Variants in CNTN6 observed in about 807,000 individuals in gnomAD.
CNTN6 encodes the protein contactin-6.
In CNTN6, 137 loss-of-function variants were observed where a neutral mutation model predicts 122.8. That is an observed-to-expected ratio of 1.12 (90% CI 0.97 to 1.29). The LOEUF is 1.29. Ranked by LOEUF, CNTN6 falls within the 50% of genes most tolerant of loss-of-function variation. CNTN6 has a pLI of 0.00. For synonymous variants in CNTN6, 570 were observed against 426.0 expected, an observed-to-expected ratio of 1.34 and a Z score of -4.16; for missense variants, 1,634 against 1,223.4, an observed-to-expected ratio of 1.34 and a Z score of -5.01.
chr3:1,210,267 T>C (rs1435838683), intron 2 of CNTN6, among the ~76,000 whole-genome samples: 2 of 152,020 alleles, frequency 1.3e-5, no homozygotes, highest in Non-Finnish European at 1.5e-5. Context: ...GTAAATTAGG[T>C]AAACATTTCT....
At chr3:1,300,537 G>GAAAGAA (rs1420522387) in intron 7 of CNTN6, among the ~76,000 whole-genome samples, 1 of 133,468 alleles carries the variant, frequency 7.5e-6, no homozygotes, top group Non-Finnish European at 1.6e-5. Flanking sequence ...TAAAGAAAGA[G>GAAAGAA]AGAGAAAGAA....
rs3836248 is a variant in CNTN6, at chr3:1,172,620, C to CTGTGTGTG, written c.55+24589_55+24596dup. On this transcript the variant is annotated intron_variant, in intron 2 of 22. Transcript: ENST00000446702. ...AGTGAAGACAGTCTGCAATAACTCT[C>CTGTGTGTG]TGTGTGTGTGTGTGTGTGTGTGTGT... 4.6e-3 allele frequency among the ~76,000 whole-genome samples: 693 copies of CTGTGTGTG among 150,266 alleles called. 4 individuals carry two copies. Among genetic ancestry groups the CTGTGTGTG allele is most frequent in the African/African-American group, 0.016 (648 of 41,010 alleles).
chr3:1,339,004 T>C (rs1703499468), intron 11 of CNTN6, among the ~76,000 whole-genome samples: 1 of 151,942 alleles, frequency 6.6e-6, no homozygotes, highest in African/African-American at 2.4e-5. Flanking sequence ...GCTGGAGTAA[T>C]AGTATAGAAA....
chr3:1,322,263 C>T (rs375101545), intron 8 of CNTN6, among the ~76,000 whole-genome samples: 6 of 151,614 alleles, frequency 4.0e-5, no homozygotes, highest in African/African-American at 1.2e-4. Context: ...TCCTAGTTTT[C>T]ATATTTTGTC....
intron 4 of CNTN6, among the ~76,000 whole-genome samples, chr3:1,273,114 C>G (rs1056436600): frequency 6.6e-6 from 1 of 152,180 alleles, no homozygotes; most frequent in Non-Finnish European, 1.5e-5. Flanking sequence ...GCAATCAAAC[C>G]ACAGGACATG....
intron 12 of CNTN6, among the ~76,000 whole-genome samples, chr3:1,367,067 G>A (rs535326365): frequency 2.0e-5 from 3 of 151,882 alleles, no homozygotes; most frequent in Non-Finnish European, 4.4e-5. Context: ...TGTATTTGTG[G>A]GATATAATGT....
intron 2 of CNTN6, among the ~76,000 whole-genome samples, chr3:1,168,074 G>A (rs112731920): frequency 0.017 from 2,653 of 151,888 alleles, 70 homozygotes; most frequent in African/African-American, 0.059. Context: ...CGCCTGGGTA[G>A]TTTTTGTATT....
chr3:1,114,857 G>A (rs1420176460), intron 1 of CNTN6, among the ~76,000 whole-genome samples: 13 of 152,126 alleles, frequency 8.5e-5, no homozygotes. Context: ...TGCTTTCAAA[G>A]GAGGACAACT....
chr3:1,268,401 A>T (rs1017218236), intron 4 of CNTN6, among the ~76,000 whole-genome samples: 1 of 152,112 alleles, frequency 6.6e-6, no homozygotes, highest in African/African-American at 2.4e-5. Context: ...AGGTCAGGAG[A>T]TCGAGACCAT....
At chr3:1,293,012 T>C (rs969930308) in intron 5 of CNTN6, among the ~76,000 whole-genome samples, 8 of 152,148 alleles carry the variant, frequency 5.3e-5, no homozygotes, top group African/African-American at 1.9e-4. Context: ...AATGACACTT[T>C]TTGCATTTTC....
chr3:1,166,065 G>A (rs1434341569), intron 2 of CNTN6, among the ~76,000 whole-genome samples: 1 of 152,122 alleles, frequency 6.6e-6, no homozygotes, highest in African/African-American at 2.4e-5. Flanking sequence ...CTTATGAGTC[G>A]GTAACATTCA....
intron 4 of CNTN6, among the ~76,000 whole-genome samples, chr3:1,260,034 A>G (rs780168615): frequency 8.5e-5 from 13 of 152,250 alleles, no homozygotes; most frequent in Non-Finnish European, 1.8e-4. Flanking sequence ...CATGTAGGCC[A>G]TGCCTCTGTC....
rs1305010758 is a variant in CNTN6, at chr3:1,304,231, CCT to C, written c.761+6243_761+6244del. ...CCAAAACCTTACTTCATTTATTTCC[CCT>C]CTTTCAGGATCATACTTTTGTGTTG... On this transcript the variant is annotated intron_variant, in intron 7 of 22. Transcript: ENST00000446702. Among the ~76,000 whole-genome samples, 5 of 152,172 alleles carry C rather than the reference CCT, an allele frequency of 3.3e-5. No homozygotes were observed. In the East Asian group the frequency reaches 7.7e-4, roughly 23 times the overall value.
chr3:1,102,969 T>C (rs755072930), intron 1 of CNTN6, among the ~76,000 whole-genome samples: 81 of 147,622 alleles, frequency 5.5e-4, no homozygotes, highest in African/African-American at 1.0e-3. Flanking sequence ...TAGCCGGGCG[T>C]GGTGGCGGCG....
intron 9 of CNTN6, 101 bp downstream of exon 9, chr3:1,326,052 T>A (rs1351025665): frequency 3.0e-6 from 3 of 1,011,336 alleles, no homozygotes; most frequent in Non-Finnish European, 4.3e-6. Context: ...GTTAATGGAG[T>A]CTTTGGTATG....
intron 7 of CNTN6, among the ~76,000 whole-genome samples, chr3:1,300,603 AAGAG>A (rs142915269): frequency 2.1e-4 from 25 of 117,266 alleles, no homozygotes; most frequent in East Asian, 1.7e-3. Context: ...GAAAGAAAGA[AAGAG>A]AGAAAGAAAG....
intron 5 of CNTN6, among the ~76,000 whole-genome samples, chr3:1,292,977 C>T (rs1695580715): frequency 6.6e-6 from 1 of 151,894 alleles, no homozygotes; most frequent in Non-Finnish European, 1.5e-5. Context: ...GTTTTTTTTC[C>T]CACATGACAC....
intron 4 of CNTN6, among the ~76,000 whole-genome samples, chr3:1,244,169 G>T (rs150705912): frequency 6.6e-6 from 1 of 152,258 alleles, no homozygotes; most frequent in East Asian, 1.9e-4. Flanking sequence ...TAGGTTTTAG[G>T]TCAGGTGTGT....
chr3:1,303,192 A>T (rs898953395), intron 7 of CNTN6, among the ~76,000 whole-genome samples: 1 of 141,758 alleles, frequency 7.1e-6, no homozygotes, highest in South Asian at 2.5e-4. Context: ...TAATATATTA[A>T]TTATAGTAAT....
Sources: allele counts gnomAD v4.1 joint callset (sites outside exome capture counted in the v4.1 genomes callset), GRCh38; gene constraint gnomAD v4.1.1; transcripts MANE v1.5; gene names NCBI Gene and HGNC (gene_info 2026-07-23, HGNC 2026-07-21).